The following TMEM132C variants were observed in gnomAD, a reference collection of about 807,000 sequenced individuals.
TMEM132C encodes the protein transmembrane protein 132C.
TMEM132C carries 29 observed loss-of-function variants against 61.4 expected under a neutral mutation model. That is an observed-to-expected ratio of 0.47 (90% CI 0.35 to 0.64). The LOEUF (loss-of-function observed/expected upper bound fraction) is 0.64. Among genes scored for constraint, TMEM132C ranks in the 30% least tolerant of loss-of-function variants. TMEM132C has a pLI of 0.00. For synonymous variants in TMEM132C, 656 were observed against 633.1 expected, an observed-to-expected ratio of 1.04 and a Z score of -0.54; for missense variants, 1,408 against 1,476.9, an observed-to-expected ratio of 0.95 and a Z score of 0.76.
At chr12:128,674,246 G>A (rs7972710) in intron 5 of TMEM132C, among the ~76,000 whole-genome samples, 150,710 of 152,364 alleles carry the variant, frequency 0.99, 74,544 homozygotes, top group East Asian at 1. Flanking sequence ...TCCACTTAGC[G>A]TTGTTTTCGA....
chr12:128,483,918 G>T (rs1369442829), intron 2 of TMEM132C, among the ~76,000 whole-genome samples: 10 of 152,120 alleles, frequency 6.6e-5, no homozygotes, highest in Admixed American at 4.6e-4. Context: ...TCGCTTCCCA[G>T]TGATTACACT....
chr12:128,510,291 A>G (rs1018470619), intron 2 of TMEM132C, among the ~76,000 whole-genome samples: 1 of 152,192 alleles, frequency 6.6e-6, no homozygotes, highest in Non-Finnish European at 1.5e-5. Flanking sequence ...CACCCTATAA[A>G]ACATTTACAG....
In TMEM132C at chr12:128,697,343, C is replaced by T. The variant is rs781602729; in HGVS notation, c.2049C>T (p.Tyr683=). The T allele has an allele frequency of 7.1e-6, 11 of 1,551,128 alleles. No homozygotes were observed. Among genetic ancestry groups the T allele is most frequent in the African/African-American group, 1.4e-5 (1 of 73,036 alleles). Residue 683 remains tyrosine (Y), a synonymous_variant, in exon 8 of 9, where the codon TAC becomes TAT. Transcript: ENST00000435159. ...TGGCTGGGCTGTCTGTCGCCCTTTA[C>T]CCCAACGCAGAAAACAGCAAGGCCG... ...QLVAGLSVAL[Y]PNAENSKAVT...
At chr12:128,494,536 G>A (rs921550571) in intron 2 of TMEM132C, among the ~76,000 whole-genome samples, 1 of 152,144 alleles carries the variant, frequency 6.6e-6, no homozygotes, top group African/African-American at 2.4e-5. Flanking sequence ...CCTGTTATTG[G>A]TCTATTCAGG....
intron 1 of TMEM132C, among the ~76,000 whole-genome samples, chr12:128,295,431 GT>G (rs1871375425): frequency 1.3e-5 from 2 of 151,302 alleles, no homozygotes; most frequent in Admixed American, 1.3e-4. Flanking sequence ...GGGGAAGGCA[GT>G]TCCATCCCCA....
chr12:128,297,523 CT>C (rs1434438044), intron 1 of TMEM132C, among the ~76,000 whole-genome samples: 2 of 152,192 alleles, frequency 1.3e-5, no homozygotes, highest in Non-Finnish European at 2.9e-5. Flanking sequence ...GATGTTGAAT[CT>C]TTCCCACTTA....
At chr12:128,685,801 G>T (rs1395845424) in intron 5 of TMEM132C, among the ~76,000 whole-genome samples, 1 of 152,108 alleles carries the variant, frequency 6.6e-6, no homozygotes, top group Non-Finnish European at 1.5e-5. Context: ...GTGTGATCAC[G>T]GGCAAGGTAC....
chr12:128,515,245 G>A (rs995596550), intron 2 of TMEM132C, among the ~76,000 whole-genome samples: 4 of 152,138 alleles, frequency 2.6e-5, no homozygotes, highest in African/African-American at 7.2e-5. Flanking sequence ...TAAAGAGAGA[G>A]GTACACACAG....
intron 2 of TMEM132C, among the ~76,000 whole-genome samples, chr12:128,540,979 CTCTG>C (rs1873720703): frequency 7.7e-6 from 1 of 129,692 alleles, no homozygotes; most frequent in Non-Finnish European, 1.8e-5. Flanking sequence ...GTCTCTATCT[CTCTG>C]TCTGTATGTC....
Position 128,523,014 on chromosome 12 carries a change from A to G in TMEM132C, c.975-20943A>G, listed in dbSNP as rs527472355. Among the ~76,000 whole-genome samples the G allele has an allele frequency of 5.3e-5, 8 of 152,336 alleles. No homozygotes were observed. In the South Asian group the frequency reaches 1.4e-3, roughly 28 times the overall value. On this transcript the variant is annotated intron_variant, in intron 2 of 8. Transcript: ENST00000435159. Reference sequence around the variant, plus strand: ...GACGGTAAAAGCAAGCCAAGTGCCTATAAACAGATGAATGGATAAGCGGAA... The same window carrying G: ...GACGGTAAAAGCAAGCCAAGTGCCTGTAAACAGATGAATGGATAAGCGGAA...
chr12:128,484,963 A>C (rs1330481089), intron 2 of TMEM132C, among the ~76,000 whole-genome samples: 2 of 152,108 alleles, frequency 1.3e-5, no homozygotes, highest in African/African-American at 4.8e-5. Context: ...GCCTCAAAAA[A>C]GAGGCAGGGA....
intron 7 of TMEM132C, among the ~76,000 whole-genome samples, chr12:128,696,974 A>T (rs1954770449): frequency 6.6e-6 from 1 of 152,220 alleles, no homozygotes; most frequent in Non-Finnish European, 1.5e-5. Context: ...TCCCTTTTAA[A>T]GACAGAATGG....
intron 3 of TMEM132C, among the ~76,000 whole-genome samples, chr12:128,594,278 G>A (rs183659017): frequency 6.6e-6 from 1 of 152,004 alleles, no homozygotes; most frequent in Admixed American, 6.6e-5. Context: ...CTGACATCTC[G>A]GGAGCATCAC....
Position 128,324,928 on chromosome 12 carries a change from A to G in TMEM132C, c.85+57441A>G, listed in dbSNP as rs543093351. 9.8e-5 allele frequency among the ~76,000 whole-genome samples: 15 copies of G among 152,374 alleles called. No homozygotes were observed. In the South Asian group the frequency reaches 2.9e-3, roughly 29 times the overall value. Reference sequence around the variant, plus strand: ...TTATGTTCTACATTCAATTACATTAATGAATATCTTCATTTCCAATTTTTT... The same window carrying G: ...TTATGTTCTACATTCAATTACATTAGTGAATATCTTCATTTCCAATTTTTT... On this transcript the variant is annotated intron_variant, in intron 1 of 8. Coordinates refer to ENST00000435159, the MANE Select transcript of TMEM132C (RefSeq NM_001136103.3).
At chr12:128,493,556 G>C (rs937376077) in intron 2 of TMEM132C, among the ~76,000 whole-genome samples, 5 of 152,050 alleles carry the variant, frequency 3.3e-5, no homozygotes, top group Non-Finnish European at 4.4e-5. Flanking sequence ...TCCTTGAAGA[G>C]GTCCTTCACA....
chr12:128,493,203 G>A (rs1394970220), intron 2 of TMEM132C, among the ~76,000 whole-genome samples: 1 of 152,044 alleles, frequency 6.6e-6, no homozygotes, highest in Non-Finnish European at 1.5e-5. Flanking sequence ...TGTTCCATTG[G>A]TCTATATCTC....
intron 1 of TMEM132C, among the ~76,000 whole-genome samples, chr12:128,364,046 A>G (rs1375491903): frequency 6.6e-6 from 1 of 152,132 alleles, no homozygotes; most frequent in East Asian, 1.9e-4. Context: ...AAGGGAAAGC[A>G]GGAGCTAAGT....
intron 8 of TMEM132C, among the ~76,000 whole-genome samples, chr12:128,698,958 A>G (rs1954784835): frequency 6.6e-6 from 1 of 152,220 alleles, no homozygotes; most frequent in South Asian, 2.1e-4. Flanking sequence ...TGATGAGAAC[A>G]GAGAGCAGTG....
In TMEM132C at chr12:128,327,272, T is replaced by C. The variant is rs1410671058; in HGVS notation, c.85+59785T>C. Among the ~76,000 whole-genome samples, 2 of 150,282 alleles carry C rather than the reference T, an allele frequency of 1.3e-5. 1 individual carries two copies. The highest frequency in any genetic ancestry group is 5.1e-5 in the African/African-American group (2 of 39,572). ...CCTGTAAAATATTTGAAGAGACTTATTCTGAGCCAAACATGAGTGACCATG... is the reference window on the plus strand; with the variant it reads ...CCTGTAAAATATTTGAAGAGACTTACTCTGAGCCAAACATGAGTGACCATG... On this transcript the variant is annotated intron_variant, in intron 1 of 8. Transcript: ENST00000435159.
Sources: gnomAD v4.1 joint callset for allele counts (sites outside exome capture counted in the v4.1 genomes callset) on GRCh38, gnomAD v4.1.1 for gene constraint, MANE v1.5 for transcripts, NCBI Gene and HGNC (gene_info 2026-07-23, HGNC 2026-07-21) for gene names.